ITGB5: variants seen among roughly 807,000 people sequenced by gnomAD.
ITGB5 encodes the protein integrin subunit beta 5.
Under a neutral mutation model 84.8 loss-of-function variants are expected in ITGB5, and 38 were observed. The ratio of observed to expected loss-of-function variants is 0.45; its 90% CI spans 0.35 to 0.59. ITGB5 has a LOEUF of 0.59. ITGB5 is among the 20% of genes least tolerant of loss of function. ITGB5 has a pLI of 0.01. For missense variants in ITGB5, 905 were observed against 1,034.5 expected (o/e 0.87, Z 1.72); for synonymous variants, 393 against 414.4 (o/e 0.95, Z 0.63).
upstream of ITGB5, among the ~76,000 whole-genome samples, chr3:124,890,457 G>A (rs559314241): frequency 7.2e-5 from 11 of 151,928 alleles, no homozygotes; most frequent in African/African-American, 2.2e-4. Flanking sequence ...CGCCCGCCTC[G>A]GCCTCCCAAA....
chr3:124,831,983 A>G (rs2064866447), intron 5 of ITGB5, among the ~76,000 whole-genome samples: 1 of 152,238 alleles, frequency 6.6e-6, no homozygotes. Context: ...AGAGGCAAAG[A>G]TAAGCATTTC....
At chr3:124,792,648 A>G (rs1465092816) in intron 10 of ITGB5, 2 of 152,140 alleles carry the variant, frequency 1.3e-5, no homozygotes, top group African/African-American at 2.4e-5. Context: ...TCATTCTGCA[A>G]CCTCAGGGAA....
intron 3 of ITGB5, among the ~76,000 whole-genome samples, chr3:124,854,589 C>T (rs1206933595): frequency 4.6e-5 from 7 of 152,188 alleles, no homozygotes; most frequent in South Asian, 4.2e-4. Flanking sequence ...TGGATACCAG[C>T]GGCTGAAAGG....
At chr3:124,869,832 AG>A (rs2065449384) in intron 2 of ITGB5, among the ~76,000 whole-genome samples, 1 of 152,164 alleles carries the variant, frequency 6.6e-6, no homozygotes, top group African/African-American at 2.4e-5. Context: ...TGTCAGCATC[AG>A]GAAGTCTGAC....
chr3:124,864,666 G>A (rs2065359444), intron 2 of ITGB5, among the ~76,000 whole-genome samples: 1 of 151,712 alleles, frequency 6.6e-6, no homozygotes, highest in Non-Finnish European at 1.5e-5. Flanking sequence ...TACTTAATGG[G>A]TACTACGCTC....
At chr3:124,835,173 T>TGTTC (rs1189262541) in intron 5 of ITGB5, among the ~76,000 whole-genome samples, 1 of 151,676 alleles carries the variant, frequency 6.6e-6, no homozygotes, top group Non-Finnish European at 1.5e-5. Context: ...CCACGTGCCC[T>TGTTC]GTTCACGATA....
At chr3:124,775,975 G>A (rs1376775237) in intron 10 of ITGB5, among the ~76,000 whole-genome samples, 4 of 152,268 alleles carry the variant, frequency 2.6e-5, no homozygotes, top group Admixed American at 1.3e-4. Flanking sequence ...GGGTCTCAGA[G>A]CCACAGCAAA....
At chr3:124,819,965 C>T (rs1270299780) in intron 6 of ITGB5, 131 bp from the exon 7 acceptor site, 1 of 727,902 alleles carries the variant, frequency 1.4e-6, no homozygotes, top group Non-Finnish European at 2.5e-6. Context: ...CCCTTAGAGT[C>T]CCTTAATAAC....
intron 5 of ITGB5, among the ~76,000 whole-genome samples, chr3:124,836,877 G>A (rs1472565269): frequency 6.6e-6 from 1 of 152,168 alleles, no homozygotes; most frequent in Admixed American, 6.5e-5. Flanking sequence ...CTATTTTTGA[G>A]AGGAAATAAA....
chr3:124,774,537 T>C (rs1408359964), intron 10 of ITGB5, among the ~76,000 whole-genome samples: 6 of 152,278 alleles, frequency 3.9e-5, no homozygotes, highest in East Asian at 1.9e-4. Context: ...CGATGCTCCC[T>C]GGGAGCCTCA....
At chr3:124,766,585 G>C (rs540454521) in intron 12 of ITGB5, among the ~76,000 whole-genome samples, 1 of 152,198 alleles carries the variant, frequency 6.6e-6, no homozygotes. Context: ...GGATCTCCAA[G>C]CCTCTGAAGT....
intron 8 of ITGB5, among the ~76,000 whole-genome samples, chr3:124,812,221 T>C (rs1396675541): frequency 6.6e-6 from 1 of 152,202 alleles, no homozygotes; most frequent in African/African-American, 2.4e-5. Flanking sequence ...ATGAAGACTT[T>C]TATGTGTGAC....
In ITGB5 at chr3:124,887,071, G is replaced by C; in HGVS notation, c.-71C>G. 1.6e-6 allele frequency: 1 copy of C among 614,606 alleles called. No individual in the cohort carries two copies. Among genetic ancestry groups the C allele is most frequent in the Non-Finnish European group, 2.0e-6 (1 of 491,790 alleles). 38.1% of individuals were successfully genotyped at this position (614,606 alleles called of 1,614,324 possible). A position where few individuals can be genotyped will look rare whatever the true frequency, so the allele number is the denominator to read the frequency against. ...GGGGCCGGCGGCCGGGGCTGGGGCC[G>C]GAGCGCGGGGGCCGAGGGCCGGGGG... On this transcript the variant is annotated 5_prime_UTR_variant, in exon 1 of 15. Coordinates refer to ENST00000296181, the MANE Select transcript of ITGB5 (RefSeq NM_002213.5).
At chr3:124,785,102 C>T (rs1422646577) in intron 10 of ITGB5, among the ~76,000 whole-genome samples, 4 of 152,274 alleles carry the variant, frequency 2.6e-5, no homozygotes, top group Non-Finnish European at 5.9e-5. Flanking sequence ...GGGAGGTAGA[C>T]GTTGTTTGGG....
chr3:124,843,353 G>A (rs559923373), intron 4 of ITGB5, among the ~76,000 whole-genome samples: 1 of 152,240 alleles, frequency 6.6e-6, no homozygotes, highest in South Asian at 2.1e-4. Context: ...GACTTCAGGT[G>A]TGTGGTTTTT....
intron 8 of ITGB5, among the ~76,000 whole-genome samples, chr3:124,815,592 C>T (rs1166113777): frequency 6.6e-6 from 1 of 152,194 alleles, no homozygotes; most frequent in Non-Finnish European, 1.5e-5. Context: ...GCTCTGGCAT[C>T]CTCAGAGGGA....
chr3:124,873,876 AG>A (rs1173386731), intron 1 of ITGB5, among the ~76,000 whole-genome samples: 6 of 101,588 alleles, frequency 5.9e-5, no homozygotes, highest in Non-Finnish European at 9.0e-5. Context: ...TAGTACAAAA[AG>A]AAAAGAAAAG....
chr3:124,770,923 C>A (rs989933894), intron 11 of ITGB5, among the ~76,000 whole-genome samples: 1 of 151,770 alleles, frequency 6.6e-6, no homozygotes, highest in Non-Finnish European at 1.5e-5. Flanking sequence ...CACCAGCCTC[C>A]CAGATTAGCA....
chr3:124,823,535 G>A (rs2064738614), intron 5 of ITGB5, among the ~76,000 whole-genome samples: 1 of 151,286 alleles, frequency 6.6e-6, no homozygotes, highest in Admixed American at 6.6e-5. Context: ...CTTGCTGTCA[G>A]GATTGGAAGG....
Sources: allele counts gnomAD v4.1 joint callset (sites outside exome capture counted in the v4.1 genomes callset), GRCh38; gene constraint gnomAD v4.1.1; transcripts MANE v1.5; gene names NCBI Gene and HGNC (gene_info 2026-07-23, HGNC 2026-07-21).